U2SURP: variants seen among roughly 807,000 people sequenced by gnomAD.
The protein encoded by U2SURP is U2 snRNP associated SURP domain containing.
U2SURP carries 9 observed loss-of-function variants against 144.9 expected under a neutral mutation model. The observed-to-expected ratio is 0.06, with a 90% CI of 0.04 to 0.11. U2SURP has a LOEUF of 0.11. Ranked by LOEUF, U2SURP falls within the 10% of genes least tolerant of loss-of-function variation. The pLI is 1.00. For missense variants in U2SURP, 724 were observed against 1,226.7 expected (o/e 0.59, Z 6.12); for synonymous variants, 408 against 396.8 (o/e 1.03, Z -0.33).
Position 143,056,557 on chromosome 3 carries a change from G to T in U2SURP, c.*107G>T. Reference sequence around the variant, plus strand: ...AATCAAATGAAAGAGCATTCCTGGGGTTTTTTGTTTGTTTGTGTATGCATG... The same window carrying T: ...AATCAAATGAAAGAGCATTCCTGGGTTTTTTTGTTTGTTTGTGTATGCATG... On this transcript the variant is annotated 3_prime_UTR_variant, in exon 28 of 28. Transcript: ENST00000473835. 2 of 1,415,666 alleles carry T rather than the reference G, an allele frequency of 1.4e-6. No individual in the cohort carries two copies. The highest frequency in any genetic ancestry group is 9.5e-7 in the Non-Finnish European group (1 of 1,057,564). 87.7% of individuals were successfully genotyped at this position (1,415,666 alleles called of 1,614,324 possible). A position where few individuals can be genotyped will look rare whatever the true frequency, so the allele number is the denominator to read the frequency against.
intron 16 of U2SURP, 141 bp from the exon 17 acceptor site, chr3:143,032,641 AAC>A: frequency 1.6e-6 from 1 of 632,934 alleles, no homozygotes; most frequent in Non-Finnish European, 2.5e-6. Context: ...TGGGGGACAC[AAC>A]ACAAATCAGA....
In U2SURP at chr3:143,013,021, C is replaced by T. The variant is rs534418410; in HGVS notation, c.222+668C>T. On this transcript the variant is annotated intron_variant, in intron 3 of 27. Coordinates refer to ENST00000473835, the MANE Select transcript of U2SURP (RefSeq NM_001080415.2). ...GCCTAGATTTATTTTTATAAGAATC[C>T]GTTTTAAAATATCCTGTTTTTAGTT... 9.9e-5 allele frequency among the ~76,000 whole-genome samples: 15 copies of T among 151,990 alleles called. No individual in the cohort carries two copies. In the South Asian group the frequency reaches 1.2e-3, roughly 13 times the overall value.
chr3:143,005,579 A>G (rs1252595668), intron 1 of U2SURP, among the ~76,000 whole-genome samples: 1 of 152,194 alleles, frequency 6.6e-6, no homozygotes, highest in Non-Finnish European at 1.5e-5. Context: ...TTCTCGATTG[A>G]TAACTTTTTC....
At chr3:143,047,198 ACGGGGCGGCCGGCCAGGCGGGGGGC>A in intron 24 of U2SURP, among the ~76,000 whole-genome samples, 1 of 87,700 alleles carries the variant, frequency 1.1e-5, no homozygotes, top group African/African-American at 6.4e-5. Context: ...TCCCTCCCGG[ACGGGGCGGCCGGCCAGGCGGGGGGC>A]TGATCCCCCC....
Position 143,060,539 on chromosome 3 carries a change from A to T in U2SURP, c.*4089A>T, listed in dbSNP as rs559784800. 3.3e-5 allele frequency: 5 copies of T among 152,058 alleles called. No individual in the cohort carries two copies. The East Asian group carries it at 9.6e-4, about 29-fold the overall frequency. 9.4% of individuals were successfully genotyped at this position (152,058 alleles called of 1,614,324 possible). On this transcript the variant is annotated 3_prime_UTR_variant, in exon 28 of 28. Transcript: ENST00000473835. ...TAATTAATAAAAGTACATTGTTTTC[A>T]TAGCAAACTTAGACTGTCCATGTAA...
At chr3:143,050,193 T>C (rs1377060225) in intron 24 of U2SURP, among the ~76,000 whole-genome samples, 3 of 152,022 alleles carry the variant, frequency 2.0e-5, no homozygotes, top group African/African-American at 7.2e-5. Flanking sequence ...CCTGCCTCAG[T>C]CTCCCGAGTA....
At position 143,051,006 on chromosome 3, in the gene U2SURP, T is replaced by G. The variant is rs745942958; in HGVS notation, c.2612T>G (p.Phe871Cys). 4 of 1,613,122 alleles carry G rather than the reference T, an allele frequency of 2.5e-6. No individual in the cohort carries two copies. The highest frequency in any genetic ancestry group is 3.4e-6 in the Non-Finnish European group (4 of 1,179,552). The change falls in exon 25 of 28, where the codon TTT (phenylalanine) becomes TGT (cysteine). Residue 871 changes from phenylalanine to cysteine, a missense_variant. Phe to Cys is a radical substitution (Grantham distance 205). Around this residue, in one of 13 missense-constraint regions of U2SURP, gnomAD observed 129 missense variants for 196.1 expected, o/e 0.66. Coordinates refer to ENST00000473835, the MANE Select transcript of U2SURP (RefSeq NM_001080415.2). Reference sequence around the variant, plus strand: ...AGACCTAAAAAACCAGGCCAGAGTTTTCAGGAGCAAGTAGAACACTACAGA... The same window carrying G: ...AGACCTAAAAAACCAGGCCAGAGTTGTCAGGAGCAAGTAGAACACTACAGA... ...GKRPKKPGQS[F>C]QEQVEHYRDK...
At chr3:143,035,802 A>G (rs1458786223) in intron 19 of U2SURP, among the ~76,000 whole-genome samples, 180 bp from the exon 20 acceptor site, 3 of 152,078 alleles carry the variant, frequency 2.0e-5, no homozygotes, top group Non-Finnish European at 4.4e-5. Flanking sequence ...CCTTTTAATT[A>G]GAAGGTGACA....
chr3:143,021,681 G>A, intron 10 of U2SURP, 126 bp downstream of exon 10: 1 of 902,948 alleles, frequency 1.1e-6, no homozygotes, highest in Non-Finnish European at 1.7e-6. Flanking sequence ...CTTTAGAGTT[G>A]TCTTACTGGT....
chr3:143,050,209 G>A (rs562643671), intron 24 of U2SURP, among the ~76,000 whole-genome samples: 1 of 152,220 alleles, frequency 6.6e-6, no homozygotes, highest in East Asian at 1.9e-4. Flanking sequence ...GAGTAGCTGG[G>A]ATTATAGGCA....
chr3:143,011,712 A>G (rs1354276045), intron 2 of U2SURP, among the ~76,000 whole-genome samples: 2 of 152,078 alleles, frequency 1.3e-5, no homozygotes, highest in Non-Finnish European at 2.9e-5. Context: ...AGTTACTACT[A>G]TTTTACTACT....
At position 143,022,920 on chromosome 3, in the gene U2SURP, A is replaced by G. The variant is rs546223504; in HGVS notation, c.1086A>G (p.Pro362=). The part of the protein sequence containing the change: ...WGKAVPIPPH[P]IYIPPSMMEH... ...AAGCTGTACCTATTCCTCCACATCCAATATACATTCCGCCTTCTATGATGG... is the reference window on the plus strand; with the variant it reads ...AAGCTGTACCTATTCCTCCACATCCGATATACATTCCGCCTTCTATGATGG... The change falls in exon 12 of 28, where the codon CCA becomes CCG. Residue 362 remains proline, a synonymous_variant. Transcript: ENST00000473835. 3 of 1,612,790 alleles carry G rather than the reference A, an allele frequency of 1.9e-6. No individual in the cohort carries two copies. The highest frequency in any genetic ancestry group is 1.7e-5 in the Admixed American group (1 of 59,800).
intron 23 of U2SURP, among the ~76,000 whole-genome samples, chr3:143,042,172 T>G (rs913460436): frequency 1.3e-5 from 2 of 152,118 alleles, no homozygotes; most frequent in Non-Finnish European, 2.9e-5. Context: ...CTAAGTGACT[T>G]ACTCATGATA....
At chr3:143,040,284 G>A (rs901040863) in intron 23 of U2SURP, among the ~76,000 whole-genome samples, 1 of 151,730 alleles carries the variant, frequency 6.6e-6, no homozygotes, top group Non-Finnish European at 1.5e-5. Flanking sequence ...GTTGGAATAC[G>A]CATACATTAA....
chr3:143,037,352 A>G lies in U2SURP; in HGVS notation c.2221+17A>G, dbSNP rs1294711420. 1 of 1,607,276 alleles carries G rather than the reference A, an allele frequency of 6.2e-7. No individual in the cohort carries two copies. Among genetic ancestry groups the G allele is most frequent in the South Asian group, 1.1e-5 (1 of 89,958 alleles). ...GAGTGCCTTGTAAGTTCAGATTTCA[A>G]ACTGATTAAATCTAGCTAATACATT... On this transcript the variant is annotated intron_variant, in intron 21 of 27. Coordinates refer to ENST00000473835, the MANE Select transcript of U2SURP (RefSeq NM_001080415.2).
At chr3:143,012,655 C>T (rs1578117052) in intron 3 of U2SURP, among the ~76,000 whole-genome samples, 1 of 152,128 alleles carries the variant, frequency 6.6e-6, no homozygotes, top group African/African-American at 2.4e-5. Flanking sequence ...ATTTATTGAA[C>T]CAAGTGCGAA....
intron 1 of U2SURP, among the ~76,000 whole-genome samples, chr3:143,003,677 C>CTTTTTTTTTTTTTTTTTTTTTTTTTTTT: frequency 9.9e-6 from 1 of 101,506 alleles, no homozygotes; most frequent in Non-Finnish European, 1.9e-5. Context: ...TATTTTATTT[C>CTTTTTTTTTTTTTTTTTTTTTTTTTTTT]TTTTTTTTTT....
chr3:143,004,220 A>T (rs1202174490), intron 1 of U2SURP, among the ~76,000 whole-genome samples: 2 of 152,108 alleles, frequency 1.3e-5, no homozygotes, highest in African/African-American at 2.4e-5. Flanking sequence ...GTTAATATGG[A>T]TAGGGATGCT....
rs1560195630 is a variant in U2SURP at position 143,037,180 on chromosome 3, A to G, written c.2066A>G (p.Asp689Gly). ...VNIIEEKETE[D>G]VPDDLDGAPI... ...TTATAATAGTACACATTTCCATAGG[A>G]TGTTCCAGATGACCTTGATGGTGCC... Residue 689 changes from aspartate (D) to glycine (G), a missense_variant and splice_region_variant, in exon 21 of 28, where the codon GAT becomes GGT. Coordinates refer to ENST00000473835, the MANE Select transcript of U2SURP (RefSeq NM_001080415.2). The G allele has an allele frequency of 6.2e-7, 1 of 1,610,596 alleles. No individual in the cohort carries two copies. The highest frequency in any genetic ancestry group is 2.2e-5 in the East Asian group (1 of 44,842).
Sources: allele counts gnomAD v4.1 joint callset (sites outside exome capture counted in the v4.1 genomes callset), GRCh38; gene constraint gnomAD v4.1.1; regional missense constraint gnomAD v4.1.1; transcripts MANE v1.5; gene names NCBI Gene and HGNC (gene_info 2026-07-23, HGNC 2026-07-21).